The following EYS variants were observed in gnomAD, a reference collection of about 807,000 sequenced individuals.
EYS encodes EGF-like photoreceptor maintenance factor, also known as protein eyes shut homolog.
Under a neutral mutation model 282.1 loss-of-function variants are expected in EYS, and 250 were observed. The ratio of observed to expected loss-of-function variants is 0.89; its 90% CI spans 0.80 to 0.98. The LOEUF is 0.98. Among genes scored for constraint, EYS ranks in the 50% least tolerant of loss-of-function variants. The pLI is 0.00. For synonymous variants in EYS, 1,355 were observed against 1,282.9 expected (o/e 1.06, Z -1.20); for missense variants, 4,016 against 3,709.0 (o/e 1.08, Z -2.15).
Position 65,694,276 on chromosome 6 carries a change from A to T in EYS, c.-448+12859T>A, listed in dbSNP as rs184966800. On this transcript the variant is annotated intron_variant, in intron 1 of 42. Coordinates refer to ENST00000503581, the MANE Select transcript of EYS (RefSeq NM_001142800.2). The stretch of plus-strand genomic sequence containing the variant: ...TCTATCTCAAAAAAAATAAAAAATA[A>T]AAAAATATATATATATGTATAATAA... Among the ~76,000 whole-genome samples, 769 of 147,968 alleles carry T rather than the reference A, an allele frequency of 5.2e-3. 22 individuals are homozygous for T. The highest frequency in any genetic ancestry group is 0.018 in the African/African-American group (724 of 39,462).
intron 32 of EYS, among the ~76,000 whole-genome samples, chr6:64,072,836 A>G (rs76009060): frequency 0.037 from 5,560 of 152,052 alleles, 349 homozygotes; most frequent in African/African-American, 0.13. Flanking sequence ...TCTTAAAAAT[A>G]GGATATATAG....
chr6:64,628,468 T>G (rs1448663170), intron 22 of EYS, among the ~76,000 whole-genome samples: 1 of 152,252 alleles, frequency 6.6e-6, no homozygotes. Flanking sequence ...TGGAGTGCAA[T>G]GCAGTGGCCC....
chr6:64,115,759 C>T (rs1773360781), intron 31 of EYS, among the ~76,000 whole-genome samples: 1 of 152,158 alleles, frequency 6.6e-6, no homozygotes, highest in African/African-American at 2.4e-5. Flanking sequence ...CAAACATTAA[C>T]TCAAGATGAT....
At chr6:65,340,558 G>A (rs914726452) in intron 10 of EYS, among the ~76,000 whole-genome samples, 1 of 151,082 alleles carries the variant, frequency 6.6e-6, no homozygotes, top group Non-Finnish European at 1.5e-5. Flanking sequence ...AAAACTAACA[G>A]TTTGCACATA....
intron 41 of EYS, among the ~76,000 whole-genome samples, chr6:63,727,642 T>C (rs1375442858): frequency 6.4e-5 from 8 of 124,390 alleles, no homozygotes; most frequent in African/African-American, 2.5e-4. Flanking sequence ...AGGCTGAGGC[T>C]GGAGGATTGC....
intron 16 of EYS, among the ~76,000 whole-genome samples, chr6:64,908,944 A>C (rs1396663428): frequency 6.6e-6 from 1 of 152,174 alleles, no homozygotes; most frequent in Non-Finnish European, 1.5e-5. Flanking sequence ...CTGAGAATTT[A>C]ACTTATAGCT....
intron 15 of EYS, among the ~76,000 whole-genome samples, chr6:64,920,366 G>T (rs1228626723): frequency 6.6e-6 from 1 of 152,066 alleles, no homozygotes; most frequent in Non-Finnish European, 1.5e-5. Context: ...ATGTGATTTA[G>T]CTTTGAACAT....
intron 31 of EYS, among the ~76,000 whole-genome samples, chr6:64,091,832 T>G (rs1278771992): frequency 6.6e-6 from 1 of 152,184 alleles, no homozygotes; most frequent in Admixed American, 6.5e-5. Flanking sequence ...ACATGTGCCA[T>G]GTTGGTGTGC....
chr6:63,727,099 G>C (rs950151642), intron 41 of EYS, among the ~76,000 whole-genome samples: 1 of 151,982 alleles, frequency 6.6e-6, no homozygotes, highest in Non-Finnish European at 1.5e-5. Context: ...CTATATTTCT[G>C]ATTCAAATAC....
At chr6:64,752,344 A>T (rs1772785531) in intron 22 of EYS, among the ~76,000 whole-genome samples, 1 of 152,110 alleles carries the variant, frequency 6.6e-6, no homozygotes, top group Non-Finnish European at 1.5e-5. Context: ...GGAAAAAATT[A>T]TTGAAGGAAT....
intron 35 of EYS, among the ~76,000 whole-genome samples, chr6:63,980,381 T>G (rs776562863): frequency 4.6e-5 from 7 of 151,960 alleles, no homozygotes; most frequent in Middle Eastern, 3.4e-3. Flanking sequence ...TAAACTGTGA[T>G]GAGAAATTGT....
At chr6:65,287,297 A>G (rs1263672870) in intron 12 of EYS, among the ~76,000 whole-genome samples, 1 of 151,538 alleles carries the variant, frequency 6.6e-6, no homozygotes, top group East Asian at 1.9e-4. Context: ...CATAAATGCT[A>G]AACATATCAT....
chr6:65,344,175 A>C lies in EYS; in HGVS notation c.1462T>G (p.Ser488Ala), dbSNP rs754245105. 25 of 1,606,274 alleles carry C rather than the reference A, an allele frequency of 1.6e-5. No individual in the cohort carries two copies. The highest frequency in any genetic ancestry group is 1.2e-4 in the Admixed American group (7 of 59,594). ...ACCCCTTGGCACTTTTCGCCTTCAG[A>C]TCCTTTAAAAAAAAAGAGATAAAAA... is the stretch of plus-strand genomic sequence containing the variant. ...EYVWQLGFAG[S>A]EGEKCQGVID... The change falls in exon 10 of 43, where the codon TCT (serine) becomes GCT (alanine). Residue 488 changes from serine to alanine, a missense_variant and splice_region_variant. Ser to Ala is a moderately conservative substitution (Grantham distance 99). Transcript: ENST00000503581.
chr6:65,544,545 T>C (rs1192807579), intron 2 of EYS, among the ~76,000 whole-genome samples: 1 of 152,112 alleles, frequency 6.6e-6, no homozygotes, highest in East Asian at 1.9e-4. Flanking sequence ...GCTGTCACCA[T>C]GTGAAGAAGA....
At chr6:64,019,188 A>G (rs1769054454) in intron 33 of EYS, among the ~76,000 whole-genome samples, 1 of 152,130 alleles carries the variant, frequency 6.6e-6, no homozygotes, top group Admixed American at 6.5e-5. Context: ...AAGCCAAGGA[A>G]CACCAAGGAA....
rs1766324523 is a variant in EYS, at chr6:65,216,762, A to T, written c.2023+79101T>A. On this transcript the variant is annotated intron_variant, in intron 12 of 42. Transcript: ENST00000503581. ...ACACAATCTTAAACTGTTATAATTT[A>T]CTTGGCTTGCAAATATTTTATAATA... is the stretch of plus-strand genomic sequence containing the variant. 3.9e-5 allele frequency among the ~76,000 whole-genome samples: 6 copies of T among 151,938 alleles called. No individual in the cohort carries two copies. The South Asian group carries it at 1.2e-3, about 31-fold the overall frequency.
At chr6:64,893,455 T>C (rs571911630) in intron 18 of EYS, among the ~76,000 whole-genome samples, 216 of 152,198 alleles carry the variant, frequency 1.4e-3, no homozygotes, top group Non-Finnish European at 2.4e-3. Context: ...GAAGTAACTA[T>C]AAAATTATTG....
chr6:64,630,515 A>G (rs1767744517), intron 22 of EYS, among the ~76,000 whole-genome samples: 1 of 152,296 alleles, frequency 6.6e-6, no homozygotes, highest in Middle Eastern at 3.4e-3. Context: ...ATATAATCAT[A>G]TTGATTAAAT....
intron 1 of EYS, among the ~76,000 whole-genome samples, chr6:65,700,012 G>C (rs372491489): frequency 6.7e-6 from 1 of 150,316 alleles, no homozygotes; most frequent in Non-Finnish European, 1.5e-5. Flanking sequence ...CTAGTCGGGA[G>C]GCTGAGGCAG....
Sources: gnomAD v4.1 joint callset for allele counts (sites outside exome capture counted in the v4.1 genomes callset) on GRCh38, gnomAD v4.1.1 for gene constraint, MANE v1.5 for transcripts, NCBI Gene and HGNC (gene_info 2026-07-23, HGNC 2026-07-21) for gene names.